The following CUX1 variants were observed in gnomAD, a reference collection of about 807,000 sequenced individuals.
CUX1 encodes the protein protein CASP.
A neutral mutation model predicts 158.8 loss-of-function variants in CUX1; 31 were observed. The ratio of observed to expected loss-of-function variants is 0.20; its 90% CI spans 0.15 to 0.26. The LOEUF (loss-of-function observed/expected upper bound fraction) is 0.26. Ranked by LOEUF, CUX1 falls within the 10% of genes least tolerant of loss-of-function variation. The pLI, the probability that CUX1 is intolerant of heterozygous loss-of-function variation, is 1.00. For missense variants in CUX1, 1,589 were observed against 2,014.6 expected (o/e 0.79, Z 4.04); for synonymous variants, 879 against 862.1 (o/e 1.02, Z -0.34).
intron 7 of CUX1, 28 bp downstream of exon 7, chr7:102,111,802 G>A (rs781787491): frequency 6.2e-7 from 1 of 1,600,450 alleles, no homozygotes; most frequent in Non-Finnish European, 8.6e-7. Flanking sequence ...CTAGTACCAT[G>A]GATGTGGGGA....
chr7:102,173,321 C>T (rs1200164485), intron 10 of CUX1, among the ~76,000 whole-genome samples: 2 of 152,150 alleles, frequency 1.3e-5, no homozygotes, highest in Non-Finnish European at 2.9e-5. Flanking sequence ...CGTGCCATTG[C>T]ATTCCAGCCT....
intron 14 of CUX1, among the ~76,000 whole-genome samples, chr7:102,270,122 C>T (rs576342893): frequency 1.3e-5 from 2 of 152,210 alleles, no homozygotes; most frequent in Non-Finnish European, 2.9e-5. Flanking sequence ...TGCCGAAGAT[C>T]GTGAAATTCA....
intron 1 of CUX1, among the ~76,000 whole-genome samples, chr7:101,829,582 T>A (rs1385838280): frequency 6.6e-6 from 1 of 150,428 alleles, no homozygotes; most frequent in Non-Finnish European, 1.5e-5. Context: ...AGCAGTGGGG[T>A]CATCGGGTGA....
rs1415326823 is a variant in CUX1, at chr7:101,869,873, C to A, written c.31-46242C>A. Among the ~76,000 whole-genome samples, 1 of 152,138 alleles carries A rather than the reference C, an allele frequency of 6.6e-6. No homozygotes were observed. On this transcript the variant is annotated intron_variant, in intron 1 of 23. Coordinates refer to ENST00000292535, the MANE Select transcript of CUX1 (RefSeq NM_181552.4). The surrounding 1 kb of genome is among the most constrained non-coding windows in gnomAD (Gnocchi z 4.5). ...CCTCTTGTTAAGACGCGCTCCGCCC[C>A]TGTGTCCTTATTTCCCACCGTGGTG...
intron 1 of CUX1, among the ~76,000 whole-genome samples, chr7:101,875,825 C>T (rs1027489159): frequency 2.0e-5 from 3 of 151,940 alleles, no homozygotes; most frequent in Non-Finnish European, 4.4e-5. Context: ...ATCTATTTAG[C>T]ACTCTTTTTT....
intron 1 of CUX1, among the ~76,000 whole-genome samples, chr7:101,872,008 A>G (rs1332740817): frequency 3.4e-5 from 5 of 147,088 alleles, no homozygotes; most frequent in African/African-American, 1.0e-4. Flanking sequence ...ACAGAGCGAG[A>G]CTCCATCCCC....
chr7:101,831,453 G>C (rs1793999856), intron 1 of CUX1, among the ~76,000 whole-genome samples: 1 of 152,104 alleles, frequency 6.6e-6, no homozygotes, highest in Non-Finnish European at 1.5e-5. Context: ...ACCACGCCGG[G>C]CTAATTTTCT....
chr7:102,109,509 C>T (rs1412384367), intron 6 of CUX1, among the ~76,000 whole-genome samples: 6 of 152,066 alleles, frequency 3.9e-5, no homozygotes, highest in South Asian at 2.1e-4. Context: ...AGTGGCCAGG[C>T]GAGGTGGCTC....
chr7:102,061,606 C>G (rs1309143999), intron 3 of CUX1, among the ~76,000 whole-genome samples: 1 of 152,242 alleles, frequency 6.6e-6, no homozygotes, highest in Non-Finnish European at 1.5e-5. Context: ...TATGTTGGAG[C>G]TGGAAATCAA....
intron 17 of CUX1, among the ~76,000 whole-genome samples, chr7:102,276,903 A>G (rs1328092056): frequency 6.6e-6 from 1 of 152,224 alleles, no homozygotes; most frequent in Non-Finnish European, 1.5e-5. Context: ...CATTGTGAAT[A>G]CAAATGACCG....
intron 3 of CUX1, among the ~76,000 whole-genome samples, chr7:102,059,679 G>A (rs189544596): frequency 2.6e-5 from 4 of 151,248 alleles, no homozygotes; most frequent in Non-Finnish European, 5.9e-5. Context: ...TTTGGCCTGC[G>A]TACGTGTCTG....
chr7:102,006,900 C>G (rs1020248241), intron 2 of CUX1, among the ~76,000 whole-genome samples: 2 of 152,236 alleles, frequency 1.3e-5, no homozygotes, highest in African/African-American at 4.8e-5. Flanking sequence ...ACGGTGCAGG[C>G]CGGGATGCAG....
chr7:101,898,376 T>A (rs1801752050), intron 1 of CUX1, among the ~76,000 whole-genome samples: 1 of 152,106 alleles, frequency 6.6e-6, no homozygotes, highest in African/African-American at 2.4e-5. Flanking sequence ...GGCTCTGGGC[T>A]CCCCGTGTTT....
intron 1 of CUX1, among the ~76,000 whole-genome samples, chr7:101,900,396 CCAT>C (rs2131737817): frequency 6.6e-6 from 1 of 152,342 alleles, no homozygotes; most frequent in African/African-American, 2.4e-5. Context: ...TTCTGCGGGG[CCAT>C]CTGGCTGGCA....
At chr7:101,852,119 C>T (rs369759903) in intron 1 of CUX1, among the ~76,000 whole-genome samples, 13 of 152,002 alleles carry the variant, frequency 8.6e-5, no homozygotes, top group Admixed American at 2.0e-4. Context: ...CGTGAGCCAC[C>T]GCACCCAGCC....
Position 101,862,395 on chromosome 7 carries a change from G to A in CUX1, c.30+44726G>A, listed in dbSNP as rs1289803405. ...GCGGGACTTGCACGCTGTGCAGTTGGCTTTACGGTTGACACCAGGCCACCA... is the reference window on the plus strand; with the variant it reads ...GCGGGACTTGCACGCTGTGCAGTTGACTTTACGGTTGACACCAGGCCACCA... On this transcript the variant is annotated intron_variant, in intron 1 of 23. Coordinates refer to ENST00000292535, the MANE Select transcript of CUX1 (RefSeq NM_181552.4). 1.4e-4 allele frequency among the ~76,000 whole-genome samples: 21 copies of A among 152,150 alleles called. No homozygotes were observed. The East Asian group carries it at 3.7e-3, about 27-fold the overall frequency.
At chr7:102,189,275 G>A (rs1449169279) in intron 11 of CUX1, among the ~76,000 whole-genome samples, 1 of 147,792 alleles carries the variant, frequency 6.8e-6, no homozygotes, top group Non-Finnish European at 1.5e-5. Context: ...CTGTCCTCCT[G>A]TTTGCTGTTT....
chr7:102,056,938 G>A (rs866965041), intron 3 of CUX1, among the ~76,000 whole-genome samples: 16 of 145,870 alleles, frequency 1.1e-4, no homozygotes, highest in Middle Eastern at 3.4e-3. Context: ...GTCTCGCTCT[G>A]TCACCCAGGC....
At chr7:101,830,415 T>C (rs866707340) in intron 1 of CUX1, among the ~76,000 whole-genome samples, 8 of 152,216 alleles carry the variant, frequency 5.3e-5, no homozygotes, top group East Asian at 1.9e-4. Flanking sequence ...GGAATTATCA[T>C]TGGACTGGAA....
Sources: allele counts gnomAD v4.1 joint callset (sites outside exome capture counted in the v4.1 genomes callset), GRCh38; gene constraint gnomAD v4.1.1; non-coding constraint Gnocchi (gnomAD v3.1); transcripts MANE v1.5; gene names NCBI Gene and HGNC (gene_info 2026-07-23, HGNC 2026-07-21).